The following TASP1 variants were observed in gnomAD, a reference collection of about 807,000 sequenced individuals.
TASP1 encodes threonine aspartase 1.
In TASP1, 16 loss-of-function variants were observed where a neutral mutation model predicts 56.6. The ratio of observed to expected loss-of-function variants is 0.28; its 90% confidence interval spans 0.19 to 0.43. The LOEUF (loss-of-function observed/expected upper bound fraction) is 0.43, where lower values mean the gene tolerates loss of function less well. TASP1 is among the 20% of genes least tolerant of loss of function. TASP1 has a pLI of 1.00. For missense variants in TASP1, 393 were observed against 511.6 expected (o/e 0.77, Z 2.24); for synonymous variants, 179 against 184.2 (o/e 0.97, Z 0.23).
the TASP1 span, among the ~76,000 whole-genome samples, chr20:13,150,978 C>G: frequency 6.6e-6 from 1 of 152,224 alleles, no homozygotes; most frequent in African/African-American, 2.4e-5. Context: ...TTTCTCTACA[C>G]TGTGCATCCC....
intron 10 of TASP1, among the ~76,000 whole-genome samples, chr20:13,498,312 A>T (rs1036505207): frequency 6.6e-6 from 1 of 150,430 alleles, no homozygotes; most frequent in Non-Finnish European, 1.5e-5. Flanking sequence ...GGACATGAAC[A>T]AACACTTTTT....
the TASP1 span, among the ~76,000 whole-genome samples, chr20:13,324,363 GT>G: frequency 6.6e-6 from 1 of 152,214 alleles, no homozygotes; most frequent in East Asian, 1.9e-4. Context: ...TGTGAGGTGT[GT>G]TTTTTAAATA....
At chr20:13,492,401 T>C (rs1018787794) in intron 10 of TASP1, among the ~76,000 whole-genome samples, 6 of 152,226 alleles carry the variant, frequency 3.9e-5, no homozygotes, top group African/African-American at 1.4e-4. Context: ...TATTACACAG[T>C]ACGTCACCTT....
intron 10 of TASP1, among the ~76,000 whole-genome samples, chr20:13,517,655 C>T (rs905454469): frequency 1.3e-5 from 2 of 152,008 alleles, no homozygotes; most frequent in African/African-American, 4.8e-5. Flanking sequence ...AGTAACATGT[C>T]GCACTGAATG....
chr20:13,604,591 C>T (rs1267980289), intron 4 of TASP1, among the ~76,000 whole-genome samples: 1 of 152,284 alleles, frequency 6.6e-6, no homozygotes, highest in Non-Finnish European at 1.5e-5. Flanking sequence ...GCAACTAATA[C>T]AGCAGTGGTT....
At chr20:13,292,255 T>C in the TASP1 span, 1 of 646,312 alleles carries the variant, frequency 1.5e-6, no homozygotes, top group Non-Finnish European at 2.7e-6. Context: ...TTTCTGCCCG[T>C]GAGTAGTAAT....
the TASP1 span, among the ~76,000 whole-genome samples, chr20:13,291,857 T>C: frequency 6.6e-6 from 1 of 152,222 alleles, no homozygotes; most frequent in Non-Finnish European, 1.5e-5. Context: ...CTCTAAGTAC[T>C]TTCTTTACAC....
the TASP1 span, among the ~76,000 whole-genome samples, chr20:13,295,950 G>A: frequency 6.6e-6 from 1 of 152,214 alleles, no homozygotes; most frequent in Non-Finnish European, 1.5e-5. Context: ...GCTGTCACAC[G>A]GCCCTGACAT....
At chr20:13,257,156 A>G in the TASP1 span, among the ~76,000 whole-genome samples, 1 of 152,222 alleles carries the variant, frequency 6.6e-6, no homozygotes, top group African/African-American at 2.4e-5. Context: ...TTCAAACACT[A>G]TATTTTCCTG....
the TASP1 span, among the ~76,000 whole-genome samples, chr20:13,275,985 A>G: frequency 2.0e-5 from 3 of 152,214 alleles, no homozygotes; most frequent in Non-Finnish European, 2.9e-5. Flanking sequence ...CAGTAACTAC[A>G]GTTAGCTGGG....
intron 4 of TASP1, among the ~76,000 whole-genome samples, chr20:13,605,670 C>A (rs1019873567): frequency 1.3e-5 from 2 of 151,732 alleles, no homozygotes; most frequent in Non-Finnish European, 1.5e-5. Context: ...CAGAGTGAGA[C>A]CTTTCTCTAA....
At chr20:13,607,367 A>G (rs1428941140) in intron 4 of TASP1, among the ~76,000 whole-genome samples, 1 of 152,130 alleles carries the variant, frequency 6.6e-6, no homozygotes, top group African/African-American at 2.4e-5. Context: ...ATAAACCACA[A>G]CTTGTATTAC....
the TASP1 span, among the ~76,000 whole-genome samples, chr20:13,292,130 T>C: frequency 3.8e-4 from 58 of 152,280 alleles, 1 homozygote; most frequent in South Asian, 0.011. Context: ...AGTGAGTGAG[T>C]TCCTAGGACT....
At chr20:13,256,256 C>T in the TASP1 span, among the ~76,000 whole-genome samples, 16,008 of 151,894 alleles carry the variant, frequency 0.11, 1,154 homozygotes, top group East Asian at 0.19. Context: ...ATTAGCCAGG[C>T]GTGGTGGCGG....
At chr20:13,217,318 A>T in the TASP1 span, among the ~76,000 whole-genome samples, 1 of 152,206 alleles carries the variant, frequency 6.6e-6, no homozygotes, top group Admixed American at 6.5e-5. Flanking sequence ...TTAGTATATT[A>T]TTCTCTTTAC....
chr20:13,577,185 T>C (rs767836099), intron 6 of TASP1, among the ~76,000 whole-genome samples: 25 of 152,160 alleles, frequency 1.6e-4, no homozygotes, highest in Non-Finnish European at 2.9e-4. Flanking sequence ...CTTCTAACTT[T>C]GGAAAGATTT....
At chr20:13,204,366 G>T in the TASP1 span, among the ~76,000 whole-genome samples, 3 of 152,092 alleles carry the variant, frequency 2.0e-5, no homozygotes, top group African/African-American at 7.2e-5. Context: ...GGGATCCCTT[G>T]TTGGAGTTGT....
chr20:13,571,790 C>A (rs919333628), intron 6 of TASP1, among the ~76,000 whole-genome samples: 2 of 152,144 alleles, frequency 1.3e-5, no homozygotes, highest in Non-Finnish European at 2.9e-5. Flanking sequence ...TTACCGCTCC[C>A]CAGTTCATCT....
the TASP1 span, among the ~76,000 whole-genome samples, chr20:13,270,113 T>A: frequency 2.6e-5 from 4 of 152,190 alleles, no homozygotes; most frequent in Non-Finnish European, 4.4e-5. Flanking sequence ...AGAAACCAAC[T>A]CTGGACACTA....
Sources: allele counts gnomAD v4.1 joint callset (sites outside exome capture counted in the v4.1 genomes callset), GRCh38; gene constraint gnomAD v4.1.1; transcripts MANE v1.5; gene names NCBI Gene and HGNC (gene_info 2026-07-23, HGNC 2026-07-21).